PPM1E: variants seen among roughly 807,000 people sequenced by gnomAD.
PPM1E encodes the protein protein phosphatase 1E.
In PPM1E, 20 loss-of-function variants were observed where a neutral mutation model predicts 65.9. That is an observed-to-expected ratio of 0.30 (90% CI 0.21 to 0.44). The LOEUF is 0.44. Among genes scored for constraint, PPM1E ranks in the 20% least tolerant of loss-of-function variants. The probability of loss-of-function intolerance (pLI) is 1.00; values close to 1 mark genes in which losing one functional copy is unlikely to be tolerated. For missense variants in PPM1E, 713 were observed against 953.1 expected (o/e 0.75, Z 3.32); for synonymous variants, 352 against 374.9 (o/e 0.94, Z 0.70).
chr17:58,773,454 TG>T (rs2049960365), intron 1 of PPM1E, among the ~76,000 whole-genome samples: 1 of 152,220 alleles, frequency 6.6e-6, no homozygotes, highest in African/African-American at 2.4e-5. Flanking sequence ...TTTCAAATGC[TG>T]TATCTTACTA....
intron 1 of PPM1E, among the ~76,000 whole-genome samples, chr17:58,795,596 C>T (rs1371764093): frequency 6.6e-6 from 1 of 151,732 alleles, no homozygotes; most frequent in South Asian, 2.1e-4. Context: ...CCCAGATACT[C>T]GGGAGGCTGA....
chr17:58,918,431 A>G (rs959643529), intron 1 of PPM1E, among the ~76,000 whole-genome samples: 2 of 152,176 alleles, frequency 1.3e-5, no homozygotes, highest in Non-Finnish European at 2.9e-5. Context: ...ATGCTGTACT[A>G]TCTCATTCTG....
At chr17:58,917,639 G>A (rs1476820648) in intron 1 of PPM1E, among the ~76,000 whole-genome samples, 1 of 152,184 alleles carries the variant, frequency 6.6e-6, no homozygotes, top group Non-Finnish European at 1.5e-5. Flanking sequence ...CAGAAGAGAA[G>A]CTATTGCTGG....
intron 1 of PPM1E, among the ~76,000 whole-genome samples, chr17:58,770,086 A>G (rs995670044): frequency 3.3e-5 from 5 of 152,072 alleles, no homozygotes; most frequent in African/African-American, 1.2e-4. Context: ...AAACATTATC[A>G]CTTGTATTCT....
intron 1 of PPM1E, among the ~76,000 whole-genome samples, chr17:58,757,961 T>C (rs965843950): frequency 3.9e-5 from 6 of 152,156 alleles, no homozygotes; most frequent in Admixed American, 6.5e-5. Context: ...CAAGGGCTTC[T>C]GAGATGTAAT....
In PPM1E at chr17:58,756,321, C is replaced by T. The variant is rs942820874; in HGVS notation, c.324C>T (p.Ala108=). Residue 108 remains alanine, a synonymous_variant, in exon 1 of 7, where the codon GCC becomes GCT. Transcript: ENST00000308249. ...EEEGAATAAA[A]PGHSAVPPPP... ...AGGGCGCGGCGACGGCGGCGGCAGC[C>T]CCGGGGCACTCGGCCGTGCCGCCGC... The T allele has an allele frequency of 6.8e-6, 10 of 1,476,814 alleles. No individual in the cohort carries two copies. Among genetic ancestry groups the T allele is most frequent in the Non-Finnish European group, 9.0e-6 (10 of 1,116,790 alleles). 91.5% of individuals were successfully genotyped at this position (1,476,814 alleles called of 1,614,324 possible).
At chr17:58,898,173 A>G (rs1567868288) in intron 1 of PPM1E, among the ~76,000 whole-genome samples, 2 of 151,468 alleles carry the variant, frequency 1.3e-5, no homozygotes, top group Admixed American at 1.3e-4. Context: ...AATCACTTGA[A>G]CCTGGGAGGC....
chr17:58,868,369 CA>C (rs918664712), intron 1 of PPM1E, among the ~76,000 whole-genome samples: 2 of 151,366 alleles, frequency 1.3e-5, no homozygotes, highest in African/African-American at 4.9e-5. Flanking sequence ...CAATATTTTT[CA>C]AAAAAAAATT....
chr17:58,923,005 G>T (rs974585757), intron 1 of PPM1E, among the ~76,000 whole-genome samples: 1 of 152,118 alleles, frequency 6.6e-6, no homozygotes, highest in Non-Finnish European at 1.5e-5. Flanking sequence ...AAATATTAGG[G>T]CCAGGTGTGA....
At chr17:58,970,981 GTTGTT>G (rs930946286) in intron 4 of PPM1E, among the ~76,000 whole-genome samples, 5 of 151,952 alleles carry the variant, frequency 3.3e-5, no homozygotes, top group African/African-American at 1.2e-4. Flanking sequence ...TGTTGTTGTT[GTTGTT>G]TTCTGACCAT....
At chr17:58,927,699 C>G (rs1048773328) in intron 1 of PPM1E, among the ~76,000 whole-genome samples, 8 of 151,802 alleles carry the variant, frequency 5.3e-5, no homozygotes, top group African/African-American at 1.7e-4. Context: ...TGCTTGAGCC[C>G]AGTTCAAGAC....
At position 58,755,893 on chromosome 17, in the gene PPM1E, G is replaced by T. The variant is rs2049752904; in HGVS notation, c.-105G>T. On this transcript the variant is annotated 5_prime_UTR_variant, in exon 1 of 7. Transcript: ENST00000308249. ...TAGTGCTGATCGCTCGTGCCGGTGCGGCCGTTAACCGCCCTTGCCGGAGCC... is the reference window on the plus strand; with the variant it reads ...TAGTGCTGATCGCTCGTGCCGGTGCTGCCGTTAACCGCCCTTGCCGGAGCC... The T allele has an allele frequency of 2.6e-6, 4 of 1,530,748 alleles. No individual in the cohort carries two copies. Among genetic ancestry groups the T allele is most frequent in the Admixed American group, 2.1e-5 (1 of 47,432 alleles). The allele number at this position is 1,530,748 out of a possible 1,614,324, so 94.8% of individuals were successfully genotyped here.
rs930688800 is a variant in PPM1E at position 58,969,410 on chromosome 17, T to A, written c.784-129T>A. 5 of 887,780 alleles carry A rather than the reference T, an allele frequency of 5.6e-6. No individual in the cohort carries two copies. The African/African-American group carries it at 8.2e-5, about 15-fold the overall frequency. The allele number at this position is 887,780 out of a possible 1,614,324, so 55.0% of individuals were successfully genotyped here. A position where few individuals can be genotyped will look rare whatever the true frequency, so the allele number is the denominator to read the frequency against. ...CAGGCATGTTAGAGAAGGAAAACAT[T>A]TAGTCTCATTATTCTGAATGACAAA... On this transcript the variant is annotated intron_variant, in intron 3 of 6. Transcript: ENST00000308249.
chr17:58,812,399 T>C (rs1440945195), intron 1 of PPM1E, among the ~76,000 whole-genome samples: 1 of 151,228 alleles, frequency 6.6e-6, no homozygotes, highest in Non-Finnish European at 1.5e-5. Context: ...ATATGTTTGA[T>C]AGTAGTTCTG....
chr17:58,906,674 ATAG>A (rs1318196571), intron 1 of PPM1E, among the ~76,000 whole-genome samples: 1 of 152,018 alleles, frequency 6.6e-6, no homozygotes, highest in Non-Finnish European at 1.5e-5. Context: ...TTATGGGTAC[ATAG>A]TAGGTATATT....
At chr17:58,884,319 G>A (rs996929063) in intron 1 of PPM1E, among the ~76,000 whole-genome samples, 1 of 151,986 alleles carries the variant, frequency 6.6e-6, no homozygotes, top group African/African-American at 2.4e-5. Flanking sequence ...AAATTCTGTG[G>A]TATATATTGC....
At position 58,959,394 on chromosome 17, in the gene PPM1E, T is replaced by C. The variant is rs1397322223; in HGVS notation, c.583+3627T>C. Reference sequence around the variant, plus strand: ...GCGGGCGGATACCGAGGTCAGGAGATCGAGACCATCCTGGCTAACACGGTG... The same window carrying C: ...GCGGGCGGATACCGAGGTCAGGAGACCGAGACCATCCTGGCTAACACGGTG... On this transcript the variant is annotated intron_variant, in intron 2 of 6. Coordinates refer to ENST00000308249, the MANE Select transcript of PPM1E (RefSeq NM_014906.5). 2.0e-5 allele frequency among the ~76,000 whole-genome samples: 3 copies of C among 147,536 alleles called. No individual in the cohort carries two copies. The East Asian group carries it at 6.0e-4, about 30-fold the overall frequency.
chr17:58,918,112 A>G (rs1335400459), intron 1 of PPM1E, among the ~76,000 whole-genome samples: 1 of 151,946 alleles, frequency 6.6e-6, no homozygotes, highest in Admixed American at 6.6e-5. Flanking sequence ...CTTTTGGTTT[A>G]TTTTCTGAGT....
rs555155890 is a variant in PPM1E, at chr17:58,767,719, C to T, written c.464+11258C>T. Among the ~76,000 whole-genome samples, 19 of 151,722 alleles carry T rather than the reference C, an allele frequency of 1.3e-4. No homozygotes were observed. The South Asian group carries it at 1.3e-3, about 10-fold the overall frequency. ...GTGCAATGGCACGATCTCAGCTCAC[C>T]GCAACCTCCGCCTCCTGGGTTCAAG... On this transcript the variant is annotated intron_variant, in intron 1 of 6. Transcript: ENST00000308249.
Sources: allele counts gnomAD v4.1 joint callset (sites outside exome capture counted in the v4.1 genomes callset), GRCh38; gene constraint gnomAD v4.1.1; transcripts MANE v1.5; gene names NCBI Gene and HGNC (gene_info 2026-07-23, HGNC 2026-07-21).